Variants in TMEM117 observed in about 807,000 individuals in gnomAD.
TMEM117 encodes the protein transmembrane protein 117.
In TMEM117, 27 loss-of-function variants were observed where a neutral mutation model predicts 52.4. The observed-to-expected ratio is 0.51, with a 90% CI of 0.38 to 0.71. The LOEUF (loss-of-function observed/expected upper bound fraction) is 0.71. Among genes scored for constraint, TMEM117 ranks in the 30% least tolerant of loss-of-function variants. TMEM117 has a pLI of 0.00. For synonymous variants in TMEM117, 215 were observed against 206.3 expected, an observed-to-expected ratio of 1.04 and a Z score of -0.36; for missense variants, 556 against 630.5, an observed-to-expected ratio of 0.88 and a Z score of 1.26.
At chr12:44,362,975 C>T (rs1489053455) in intron 6 of TMEM117, among the ~76,000 whole-genome samples, 1 of 152,084 alleles carries the variant, frequency 6.6e-6, no homozygotes, top group Non-Finnish European at 1.5e-5. Context: ...TCCTCAGCCT[C>T]CCGAGTAGCT....
At chr12:44,143,652 C>A in intron 4 of TMEM117, 28 bp downstream of exon 4, 1 of 1,506,504 alleles carries the variant, frequency 6.6e-7, no homozygotes. Context: ...TCACCCATTT[C>A]AAACATCAAA....
At chr12:44,268,198 C>T (rs925004752) in intron 5 of TMEM117, among the ~76,000 whole-genome samples, 9 of 151,480 alleles carry the variant, frequency 5.9e-5, no homozygotes, top group African/African-American at 2.2e-4. Context: ...AGTGCAATGA[C>T]GTGATCTCGG....
intron 6 of TMEM117, among the ~76,000 whole-genome samples, chr12:44,302,919 TAAAG>T: frequency 6.6e-6 from 1 of 152,228 alleles, no homozygotes; most frequent in Non-Finnish European, 1.5e-5. Context: ...GAAAGAAAAA[TAAAG>T]AAGTAAAATT....
At chr12:44,304,667 G>C (rs889281349) in intron 6 of TMEM117, among the ~76,000 whole-genome samples, 1 of 152,176 alleles carries the variant, frequency 6.6e-6, no homozygotes, top group African/African-American at 2.4e-5. Flanking sequence ...AGAGAGTCCT[G>C]AGGCCCCTAT....
chr12:43,975,504 T>C (rs1486592714), intron 3 of TMEM117, among the ~76,000 whole-genome samples: 2 of 152,060 alleles, frequency 1.3e-5, no homozygotes, highest in African/African-American at 4.8e-5. Context: ...CTAACAGAGG[T>C]TAAGTAGTTT....
intron 5 of TMEM117, among the ~76,000 whole-genome samples, chr12:44,234,227 A>C (rs1949967255): frequency 2.0e-5 from 3 of 151,472 alleles, no homozygotes; most frequent in Admixed American, 2.0e-4. Context: ...TTGGGACAAG[A>C]GCTTTTTCTA....
chr12:44,068,394 T>G (rs1365737769), intron 3 of TMEM117, among the ~76,000 whole-genome samples: 1 of 152,230 alleles, frequency 6.6e-6, no homozygotes, highest in Non-Finnish European at 1.5e-5. Flanking sequence ...CTAAGCTTAA[T>G]CATTTCTAGC....
intron 5 of TMEM117, among the ~76,000 whole-genome samples, chr12:44,279,165 ATGAC>A (rs1185026976): frequency 1.3e-5 from 2 of 152,226 alleles, no homozygotes; most frequent in African/African-American, 4.8e-5. Context: ...GTCAAAAGCT[ATGAC>A]TGAGAAATAT....
At chr12:43,799,702 T>C in the TMEM117 span, among the ~76,000 whole-genome samples, 1 of 152,206 alleles carries the variant, frequency 6.6e-6, no homozygotes, top group East Asian at 1.9e-4. Flanking sequence ...CCACTGTTCA[T>C]TTTATATGAA....
At chr12:44,350,901 A>G (rs1951553486) in intron 6 of TMEM117, among the ~76,000 whole-genome samples, 1 of 152,002 alleles carries the variant, frequency 6.6e-6, no homozygotes. Flanking sequence ...TTCCTGGATC[A>G]TATGTTAGCT....
intron 4 of TMEM117, among the ~76,000 whole-genome samples, chr12:44,190,408 A>G (rs1377173526): frequency 6.6e-6 from 1 of 152,160 alleles, no homozygotes. Flanking sequence ...TCTGGGTTCT[A>G]CTTCATAGAA....
chr12:44,297,518 GA>G (rs1401686576), intron 5 of TMEM117, among the ~76,000 whole-genome samples: 1 of 152,132 alleles, frequency 6.6e-6, no homozygotes, highest in Non-Finnish European at 1.5e-5. Context: ...GGGATATAAG[GA>G]AATTGGAGCC....
chr12:44,151,808 C>G (rs1293139678), intron 4 of TMEM117, among the ~76,000 whole-genome samples: 1 of 141,648 alleles, frequency 7.1e-6, no homozygotes, highest in Non-Finnish European at 1.5e-5. Flanking sequence ...GGGCCGAGAA[C>G]TATTCTAAAT....
the TMEM117 span, among the ~76,000 whole-genome samples, chr12:43,799,776 T>A: frequency 6.6e-6 from 1 of 152,112 alleles, no homozygotes; most frequent in East Asian, 1.9e-4. Context: ...CTGAACCTGG[T>A]CATCCTGTAA....
At chr12:44,010,032 T>C in intron 3 of TMEM117, 1 of 370,722 alleles carries the variant, frequency 2.7e-6, no homozygotes, top group Non-Finnish European at 5.4e-6. Context: ...TCTATTTATG[T>C]GGTGTACTTC....
chr12:44,210,895 A>G (rs182683567), intron 4 of TMEM117, among the ~76,000 whole-genome samples: 28 of 152,232 alleles, frequency 1.8e-4, no homozygotes, highest in African/African-American at 5.8e-4. Context: ...AAAAGAGAAG[A>G]TAATATTTTG....
intron 3 of TMEM117, among the ~76,000 whole-genome samples, chr12:44,106,880 A>G (rs1324142926): frequency 6.6e-6 from 1 of 151,984 alleles, no homozygotes; most frequent in Non-Finnish European, 1.5e-5. Context: ...ATGTATACAT[A>G]TATTTCCTAT....
At chr12:44,265,016 A>G (rs1180378798) in intron 5 of TMEM117, among the ~76,000 whole-genome samples, 1 of 152,206 alleles carries the variant, frequency 6.6e-6, no homozygotes, top group African/African-American at 2.4e-5. Context: ...TAGATGATAA[A>G]GAAACGAATG....
At chr12:44,398,125 T>TG in the TMEM117 span, among the ~76,000 whole-genome samples, 1 of 151,352 alleles carries the variant, frequency 6.6e-6, no homozygotes, top group South Asian at 2.1e-4. Context: ...TTTTTAAACC[T>TG]AAGGACTTAA....
Sources: allele counts gnomAD v4.1 joint callset (sites outside exome capture counted in the v4.1 genomes callset), GRCh38; gene constraint gnomAD v4.1.1; transcripts MANE v1.5; gene names NCBI Gene and HGNC (gene_info 2026-07-23, HGNC 2026-07-21).